Variants in VIPAS39 observed in about 807,000 individuals in gnomAD.
The protein encoded by VIPAS39 is VPS33B interacting protein, apical-basolateral polarity regulator, spe-39 homolog, also known as spermatogenesis-defective protein 39 homolog.
In VIPAS39, 63 loss-of-function variants were observed where a neutral mutation model predicts 84.7. The ratio of observed to expected loss-of-function variants is 0.74; its 90% CI spans 0.61 to 0.92. VIPAS39 has a LOEUF of 0.92. Ranked by LOEUF, VIPAS39 falls within the 40% of genes least tolerant of loss-of-function variation. VIPAS39 has a pLI of 0.00. For missense variants in VIPAS39, 499 were observed against 604.5 expected, an observed-to-expected ratio of 0.83 and a Z score of 1.83; for synonymous variants, 192 against 216.5, an observed-to-expected ratio of 0.89 and a Z score of 0.99.
Position 77,444,272 on chromosome 14 carries a change from G to C in VIPAS39, c.574C>G (p.His192Asp), listed in dbSNP as rs1433322386. 2 of 1,613,612 alleles carry C rather than the reference G, an allele frequency of 1.2e-6. No individual in the cohort carries two copies. The highest frequency in any genetic ancestry group is 2.7e-5 in the African/African-American group (2 of 74,934). ...LQLLEEAVSM[H>D]DGNVITAVLI... ...ACTGCAGTAATGACGTTTCCATCAT[G>C]CATGCTTACTGCCTCTTCTAGGAGT... The change falls in exon 8 of 20, where the codon CAT becomes GAT. Residue 192 changes from histidine (H) to aspartate (D), a missense_variant. Coordinates refer to ENST00000557658, the MANE Select transcript of VIPAS39 (RefSeq NM_001193315.2).
At chr14:77,436,454 G>C (rs1461241336) in intron 12 of VIPAS39, among the ~76,000 whole-genome samples, 2 of 152,074 alleles carry the variant, frequency 1.3e-5, no homozygotes, top group Admixed American at 6.6e-5. Flanking sequence ...TTGTTTGTCT[G>C]CTTGTTTTGA....
intron 4 of VIPAS39, among the ~76,000 whole-genome samples, chr14:77,449,981 C>T (rs1038107282): frequency 3.2e-4 from 48 of 152,158 alleles, no homozygotes; most frequent in Admixed American, 1.3e-4. Context: ...ACCATTTTAA[C>T]CATTTTTAAG....
At chr14:77,439,526 T>C (rs2078666813) in intron 11 of VIPAS39, among the ~76,000 whole-genome samples, 1 of 152,162 alleles carries the variant, frequency 6.6e-6, no homozygotes, top group Non-Finnish European at 1.5e-5. Context: ...GTGGTTCACA[T>C]CTGTAATCCC....
At chr14:77,428,854 C>T in intron 18 of VIPAS39, 152 bp downstream of exon 18, 1 of 693,852 alleles carries the variant, frequency 1.4e-6, no homozygotes, top group Non-Finnish European at 2.6e-6. Flanking sequence ...TACAGGAGTG[C>T]TGGTCTCCAA....
At chr14:77,430,922 G>A (rs2078512927) in intron 16 of VIPAS39, among the ~76,000 whole-genome samples, 1 of 152,110 alleles carries the variant, frequency 6.6e-6, no homozygotes, top group African/African-American at 2.4e-5. Context: ...AAAGCACCAA[G>A]AGGACCCAAT....
chr14:77,446,724 T>C (rs1468725703), intron 7 of VIPAS39, among the ~76,000 whole-genome samples: 1 of 152,178 alleles, frequency 6.6e-6, no homozygotes, highest in Non-Finnish European at 1.5e-5. Flanking sequence ...TAATCAAGAC[T>C]GTAGTATTAG....
chr14:77,448,362 A>C (rs2078829682), intron 7 of VIPAS39, 132 bp downstream of exon 7: 1 of 981,426 alleles, frequency 1.0e-6, no homozygotes, highest in African/African-American at 1.6e-5. Flanking sequence ...ACTGACTTTC[A>C]ACCTTAGTGG....
chr14:77,436,377 G>T (rs763500034), intron 12 of VIPAS39, among the ~76,000 whole-genome samples: 1 of 152,170 alleles, frequency 6.6e-6, no homozygotes, highest in Admixed American at 6.5e-5. Flanking sequence ...TGCCATGGTG[G>T]TATGTTTATA....
Position 77,435,178 on chromosome 14 carries a change from G to C in VIPAS39, c.1047+81C>G, listed in dbSNP as rs1006173734. ...GAACTATACATACCCATTATTAATA[G>C]AGTACATAAAAGTACTGGATTTGAA... On this transcript the variant is annotated intron_variant, in intron 14 of 19. Coordinates refer to ENST00000557658, the MANE Select transcript of VIPAS39 (RefSeq NM_001193315.2). The C allele has an allele frequency of 2.5e-5, 40 of 1,585,660 alleles. No homozygotes were observed. The Admixed American group carries it at 6.7e-4, about 26-fold the overall frequency.
intron 1 of VIPAS39, chr14:77,457,161 A>T: frequency 6.9e-7 from 1 of 1,444,276 alleles, no homozygotes; most frequent in Non-Finnish European, 9.1e-7. Context: ...TTGTGAACTG[A>T]GACCAGGGAA....
chr14:77,452,772 T>A (rs2078901783), intron 3 of VIPAS39, among the ~76,000 whole-genome samples: 1 of 81,838 alleles, frequency 1.2e-5, no homozygotes. Context: ...AGAGTAAGAC[T>A]CCATCTCAAA....
rs1490845969 is a variant in VIPAS39, at chr14:77,451,266, T to C, written c.264A>G (p.Leu88=). The C allele has an allele frequency of 6.2e-7, 1 of 1,614,234 alleles. No homozygotes were observed. The highest frequency in any genetic ancestry group is 8.5e-7 in the Non-Finnish European group (1 of 1,180,044). Residue 88 remains leucine, a synonymous_variant, in exon 4 of 20, where the codon CTA becomes CTG. Coordinates refer to ENST00000557658, the MANE Select transcript of VIPAS39 (RefSeq NM_001193315.2). ...AGGAGGAGAAGCTGTTTCGGCTCTT[T>C]AGCTGTTCACGCCCCTCGTGGGTTG... is the stretch of plus-strand genomic sequence containing the variant. The part of the protein sequence containing the change: ...SGSTHEGREQ[L]KSRNSFSSYA...
chr14:77,434,028 G>T, intron 15 of VIPAS39, 97 bp from the exon 16 acceptor site: 1 of 1,395,182 alleles, frequency 7.2e-7, no homozygotes, highest in Non-Finnish European at 1.0e-6. Flanking sequence ...AATATTTCCT[G>T]ATATTGACTC....
intron 8 of VIPAS39, among the ~76,000 whole-genome samples, chr14:77,443,965 C>G (rs913860204): frequency 6.7e-6 from 1 of 149,796 alleles, no homozygotes; most frequent in Non-Finnish European, 1.5e-5. Flanking sequence ...CACTTAAGCT[C>G]AGGAGGTCGA....
At chr14:77,442,736 C>T in intron 9 of VIPAS39, 74 bp from the exon 10 acceptor site, 2 of 1,287,602 alleles carry the variant, frequency 1.6e-6, no homozygotes. Context: ...TCTCCCTACT[C>T]ACACATTCCA....
intron 8 of VIPAS39, among the ~76,000 whole-genome samples, chr14:77,443,993 A>T (rs925158235): frequency 1.3e-5 from 2 of 151,218 alleles, no homozygotes; most frequent in African/African-American, 4.9e-5. Flanking sequence ...GCGAGCCATC[A>T]TCACACCACT....
In VIPAS39 at chr14:77,457,474, A is replaced by G. The variant is rs151172490; in HGVS notation, c.-1+21T>C. The G allele has an allele frequency of 1.3e-3, 1,840 of 1,420,782 alleles. 2 individuals are homozygous for G. The highest frequency in any genetic ancestry group is 1.6e-3 in the Non-Finnish European group (1,660 of 1,044,502). 88.0% of individuals were successfully genotyped at this position (1,420,782 alleles called of 1,614,324 possible). ...TGGATCCAGCCAGATACGCGACCCA[A>G]GGGGCTTGGGACACCCTCACCTCTT... On this transcript the variant is annotated intron_variant, in intron 1 of 19. Transcript: ENST00000557658.
At chr14:77,435,050 C>G (rs2078585380) in intron 14 of VIPAS39, 1 of 651,736 alleles carries the variant, frequency 1.5e-6, no homozygotes, top group African/African-American at 1.8e-5. Flanking sequence ...AGCATGCCAG[C>G]TCACTTGAAG....
chr14:77,443,209 A>G (rs1247775745), intron 8 of VIPAS39, 57 bp from the exon 9 acceptor site: 7 of 1,602,922 alleles, frequency 4.4e-6, no homozygotes, highest in Non-Finnish European at 3.4e-6. Flanking sequence ...TCATGCCCTG[A>G]GCACTACAGA....
Sources: gnomAD v4.1 joint callset for allele counts (sites outside exome capture counted in the v4.1 genomes callset) on GRCh38, gnomAD v4.1.1 for gene constraint, MANE v1.5 for transcripts, NCBI Gene and HGNC (gene_info 2026-07-23, HGNC 2026-07-21) for gene names.